The following TPST2 variants were observed in gnomAD, a reference collection of about 807,000 sequenced individuals.
The protein encoded by TPST2 is protein-tyrosine sulfotransferase 2.
In TPST2, 16 loss-of-function variants were observed where a neutral mutation model predicts 27.8. The observed-to-expected ratio is 0.58, with a 90% CI of 0.39 to 0.88. The LOEUF is 0.88. TPST2 is among the 40% of genes least tolerant of loss of function. TPST2 has a pLI of 0.00. For missense variants in TPST2, 464 were observed against 543.1 expected, an observed-to-expected ratio of 0.85 and a Z score of 1.45; for synonymous variants, 229 against 231.7, an observed-to-expected ratio of 0.99 and a Z score of 0.10.
chr22:26,554,531 G>C (rs1211785765), intron 1 of TPST2, among the ~76,000 whole-genome samples: 3 of 152,212 alleles, frequency 2.0e-5, no homozygotes, highest in African/African-American at 7.2e-5. Context: ...CTCCACACCT[G>C]GCTGATTCCT....
intron 1 of TPST2, among the ~76,000 whole-genome samples, chr22:26,563,622 C>T (rs1927235909): frequency 6.6e-6 from 1 of 151,692 alleles, no homozygotes; most frequent in African/African-American, 2.4e-5. Flanking sequence ...AGCCACCACG[C>T]CCGGCCCTCC....
chr22:26,548,184 C>T (rs555734620), intron 1 of TPST2, among the ~76,000 whole-genome samples: 6 of 152,268 alleles, frequency 3.9e-5, no homozygotes, highest in South Asian at 2.1e-4. Context: ...TCACAGAAAA[C>T]GCTCATCGGA....
intron 4 of TPST2, 44 bp from the exon 5 acceptor site, chr22:26,532,789 A>G (rs1423507405): frequency 2.5e-6 from 4 of 1,596,064 alleles, no homozygotes; most frequent in Non-Finnish European, 3.4e-6. Context: ...AAAATGGCCA[A>G]AAAATAAAAT....
intron 3 of TPST2, among the ~76,000 whole-genome samples, chr22:26,537,499 C>T (rs1053553098): frequency 1.3e-5 from 2 of 152,196 alleles, no homozygotes; most frequent in African/African-American, 4.8e-5. Context: ...GTTGCCCAGG[C>T]TGGAGTGCAG....
At chr22:26,572,599 CCTT>C (rs1163855734) in intron 1 of TPST2, among the ~76,000 whole-genome samples, 4 of 152,126 alleles carry the variant, frequency 2.6e-5, no homozygotes, top group Admixed American at 2.6e-4. Flanking sequence ...TAAAGTATCT[CCTT>C]CTTCAGGAAG....
At chr22:26,549,461 A>G (rs531613847) in intron 1 of TPST2, among the ~76,000 whole-genome samples, 1 of 152,130 alleles carries the variant, frequency 6.6e-6, no homozygotes, top group African/African-American at 2.4e-5. Context: ...GATCGAGACC[A>G]TCCTGGCCAA....
chr22:26,588,538 T>C (rs1040692590), intron 1 of TPST2, among the ~76,000 whole-genome samples: 1 of 152,188 alleles, frequency 6.6e-6, no homozygotes, highest in Non-Finnish European at 1.5e-5. Context: ...GTACGGCATG[T>C]GAACTGTATC....
At chr22:26,557,309 A>G (rs1203999144) in intron 1 of TPST2, among the ~76,000 whole-genome samples, 3 of 152,246 alleles carry the variant, frequency 2.0e-5, no homozygotes, top group Non-Finnish European at 4.4e-5. Flanking sequence ...GTGCACCTGC[A>G]TCTACCCCAG....
chr22:26,533,709 C>T (rs1463474356), intron 4 of TPST2, among the ~76,000 whole-genome samples: 1 of 152,012 alleles, frequency 6.6e-6, no homozygotes, highest in Non-Finnish European at 1.5e-5. Flanking sequence ...GGTCTCACTC[C>T]CATAGCCCAA....
intron 1 of TPST2, among the ~76,000 whole-genome samples, chr22:26,573,014 C>A (rs568069544): frequency 1.2e-4 from 18 of 152,260 alleles, no homozygotes; most frequent in African/African-American, 4.3e-4. Context: ...TCATTTTTCT[C>A]ATCTGTGAAT....
chr22:26,527,912 C>A lies in TPST2; in HGVS notation c.*7+302G>T, dbSNP rs148373646. Among the ~76,000 whole-genome samples, 112 of 152,342 alleles carry A rather than the reference C, an allele frequency of 7.4e-4. 2 individuals carry two copies. In the East Asian group the frequency reaches 0.019, roughly 26 times the overall value. On this transcript the variant is annotated intron_variant, in intron 6 of 6. Coordinates refer to ENST00000338754, the MANE Select transcript of TPST2 (RefSeq NM_003595.5). ...GCAAAAATGGTTCCAGAATCTCCCC[C>A]TCCCCCATCATAGTGGTGCTTCCTG...
chr22:26,568,592 GC>G (rs1341629654), intron 1 of TPST2, among the ~76,000 whole-genome samples: 28 of 152,202 alleles, frequency 1.8e-4, no homozygotes, highest in African/African-American at 6.8e-4. Flanking sequence ...TAATGCATGA[GC>G]GTGCTAAAAG....
chr22:26,577,322 G>T (rs1180464089), intron 1 of TPST2, among the ~76,000 whole-genome samples: 1 of 148,600 alleles, frequency 6.7e-6, no homozygotes, highest in South Asian at 2.1e-4. Context: ...TGCCTGGGGG[G>T]TTTTCTACAC....
intron 6 of TPST2, 65 bp from the exon 7 acceptor site, chr22:26,526,332 T>C (rs574932147): frequency 2.4e-4 from 36 of 152,370 alleles, no homozygotes; most frequent in East Asian, 7.7e-4. Context: ...TTTATATTTA[T>C]ACATGTGATT....
chr22:26,582,370 TG>T (rs1389900364), intron 1 of TPST2, among the ~76,000 whole-genome samples: 1 of 152,120 alleles, frequency 6.6e-6, no homozygotes, highest in Non-Finnish European at 1.5e-5. Flanking sequence ...GAGGTTGCAG[TG>T]AGCCGAGGTT....
At chr22:26,545,504 C>T (rs764365615) in intron 1 of TPST2, among the ~76,000 whole-genome samples, 3 of 152,166 alleles carry the variant, frequency 2.0e-5, no homozygotes, top group Non-Finnish European at 4.4e-5. Context: ...TGTGTCCTTA[C>T]CATTTAGGGT....
intron 1 of TPST2, among the ~76,000 whole-genome samples, chr22:26,552,018 T>C (rs575361024): frequency 6.6e-6 from 1 of 151,120 alleles, no homozygotes; most frequent in South Asian, 2.1e-4. Context: ...GCCTCCCAAG[T>C]AGCTAGTGCA....
intron 1 of TPST2, among the ~76,000 whole-genome samples, chr22:26,557,048 G>A (rs1370331204): frequency 6.6e-6 from 1 of 152,258 alleles, no homozygotes; most frequent in Non-Finnish European, 1.5e-5. Flanking sequence ...AACATAGCAA[G>A]CCCCAAATAT....
At chr22:26,544,196 G>A (rs1926002616) in intron 2 of TPST2, among the ~76,000 whole-genome samples, 1 of 152,166 alleles carries the variant, frequency 6.6e-6, no homozygotes, top group South Asian at 2.1e-4. Flanking sequence ...TCTCAAGGAA[G>A]CTATTCAGAA....
Sources: gnomAD v4.1 joint callset for allele counts (sites outside exome capture counted in the v4.1 genomes callset) on GRCh38, gnomAD v4.1.1 for gene constraint, MANE v1.5 for transcripts, NCBI Gene and HGNC (gene_info 2026-07-23, HGNC 2026-07-21) for gene names.